Variants in MAP3K21 observed in about 807,000 individuals in gnomAD.
MAP3K21 encodes the protein mitogen-activated protein kinase kinase kinase 21, also known as mitogen-activated protein kinase kinase kinase MLK4.
MAP3K21 carries 63 observed loss-of-function variants against 86.1 expected under a neutral mutation model. That is an observed-to-expected ratio of 0.73 (90% CI 0.60 to 0.90). The LOEUF (loss-of-function observed/expected upper bound fraction) is 0.90, where lower values mean the gene tolerates loss of function less well. MAP3K21 is among the 40% of genes least tolerant of loss of function. The pLI is 0.00. For missense variants in MAP3K21, 1,220 were observed against 1,367.7 expected (o/e 0.89, Z 1.70); for synonymous variants, 558 against 564.8 (o/e 0.99, Z 0.17).
rs935700844 is a variant in MAP3K21 at position 233,328,352 on chromosome 1, G to T, written c.324G>T (p.Pro108=). 6 of 1,467,466 alleles carry T rather than the reference G, an allele frequency of 4.1e-6. No homozygotes were observed. In the African/African-American group the frequency reaches 5.9e-5, roughly 14 times the overall value. 90.9% of individuals were successfully genotyped at this position (1,467,466 alleles called of 1,614,324 possible). A position where few individuals can be genotyped will look rare whatever the true frequency, so the allele number is the denominator to read the frequency against. ...GCCGCCCGGCCGCCAGCCCCGCGCC[G>T]CCGCCCTCGCGGCCCAGCTCCCCGG... ...APCRPAASPA[P]PPSRPSSPVH... Residue 108 remains proline, a synonymous_variant, in exon 1 of 10, where the codon CCG becomes CCT. Transcript: ENST00000366624. The surrounding 1 kb of genome is among the most constrained non-coding windows in gnomAD (Gnocchi z 8.7).
intron 1 of MAP3K21, among the ~76,000 whole-genome samples, chr1:233,335,423 T>A (rs1662893214): frequency 6.6e-6 from 1 of 152,172 alleles, no homozygotes; most frequent in African/African-American, 2.4e-5. Context: ...GATGAGTTTT[T>A]AACATTTATT....
intron 5 of MAP3K21, among the ~76,000 whole-genome samples, chr1:233,363,446 G>A (rs1041930209): frequency 5.9e-5 from 9 of 152,040 alleles, no homozygotes; most frequent in South Asian, 4.2e-4. Context: ...GCCTGTAATC[G>A]CGGCACTTTG....
intron 1 of MAP3K21, among the ~76,000 whole-genome samples, chr1:233,335,693 C>G (rs1662898881): frequency 6.6e-6 from 1 of 152,136 alleles, no homozygotes; most frequent in Non-Finnish European, 1.5e-5. Flanking sequence ...TATTTGCTTT[C>G]AGGACTCCCA....
At chr1:233,336,723 A>G (rs1362956916) in intron 1 of MAP3K21, among the ~76,000 whole-genome samples, 6 of 152,326 alleles carry the variant, frequency 3.9e-5, no homozygotes, top group African/African-American at 1.4e-4. Flanking sequence ...TGAGGAAACA[A>G]TAATTTTTCT....
chr1:233,362,520 G>T (rs1369104616), intron 5 of MAP3K21, among the ~76,000 whole-genome samples: 2 of 152,152 alleles, frequency 1.3e-5, no homozygotes, highest in African/African-American at 2.4e-5. Context: ...AGCACACGAG[G>T]ATCTAACCCT....
At chr1:233,329,106 G>A (rs987047143) in intron 1 of MAP3K21, among the ~76,000 whole-genome samples, 3 of 152,140 alleles carry the variant, frequency 2.0e-5, no homozygotes, top group Non-Finnish European at 2.9e-5. Context: ...AAAATACCTG[G>A]ATCTCCTAGA....
Position 233,328,027 on chromosome 1 carries a change from C to G in MAP3K21, c.-2C>G. ...CTCCGCCTTCCCCGCGCAGCTGCCC[C>G]CATGGCTTTGCGGGGCGCCGCGGGA... On this transcript the variant is annotated 5_prime_UTR_variant, in exon 1 of 10. Transcript: ENST00000366624. The surrounding 1 kb of genome is among the most constrained non-coding windows in gnomAD (Gnocchi z 8.7). 1 of 1,302,768 alleles carries G rather than the reference C, an allele frequency of 7.7e-7. No homozygotes were observed. Among genetic ancestry groups the G allele is most frequent in the East Asian group, 3.2e-5 (1 of 31,304 alleles). The allele number at this position is 1,302,768 out of a possible 1,614,324, so 80.7% of individuals were successfully genotyped here.
At chr1:233,355,713 A>G (rs895016287) in intron 4 of MAP3K21, among the ~76,000 whole-genome samples, 5 of 152,080 alleles carry the variant, frequency 3.3e-5, no homozygotes. Flanking sequence ...CTGTTCTCCC[A>G]GGTACCCAGT....
chr1:233,352,032 G>T (rs998467230), intron 2 of MAP3K21, among the ~76,000 whole-genome samples: 5 of 152,086 alleles, frequency 3.3e-5, no homozygotes, highest in Non-Finnish European at 7.4e-5. Context: ...GGGACTATAA[G>T]CACCTGCCAC....
intron 1 of MAP3K21, among the ~76,000 whole-genome samples, chr1:233,345,318 A>G (rs935139093): frequency 1.3e-5 from 2 of 152,222 alleles, no homozygotes; most frequent in African/African-American, 4.8e-5. Context: ...GATAGCAACA[A>G]CTTGGAACCA....
rs1419520828 is a variant in MAP3K21 at position 233,379,478 on chromosome 1, T to C, written c.2472T>C (p.Ser824=). Reference sequence around the variant, plus strand: ...ACAGTGAAGATCCACTGGTGGACAGTGCACCTGTCACTTGTGACTCTGAGA... The same window carrying C: ...ACAGTGAAGATCCACTGGTGGACAGCGCACCTGTCACTTGTGACTCTGAGA... The part of the protein sequence containing the change: ...QMDSEDPLVD[S]APVTCDSEML... Residue 824 remains serine (S), a synonymous_variant, in exon 9 of 10, where the codon AGT becomes AGC. Transcript: ENST00000366624. 11 of 1,614,206 alleles carry C rather than the reference T, an allele frequency of 6.8e-6. No homozygotes were observed. Among genetic ancestry groups the C allele is most frequent in the Non-Finnish European group, 9.3e-6 (11 of 1,180,030 alleles).
chr1:233,368,417 G>T (rs1298032647), intron 5 of MAP3K21, among the ~76,000 whole-genome samples: 1 of 152,138 alleles, frequency 6.6e-6, no homozygotes, highest in Admixed American at 6.5e-5. Flanking sequence ...ACTTTCAGAG[G>T]CCAAGGCAGG....
rs1159520178 is a variant in MAP3K21, at chr1:233,329,270, C to A, written c.805+437C>A. 2.6e-5 allele frequency among the ~76,000 whole-genome samples: 4 copies of A among 152,190 alleles called. No homozygotes were observed. In the East Asian group the frequency reaches 7.7e-4, roughly 29 times the overall value. On this transcript the variant is annotated intron_variant, in intron 1 of 9. Transcript: ENST00000366624. ...CCCCGAATGCACTCGGGGACGTCAA[C>A]TTTACAAGTGCTGTATTGAGGTTGC...
intron 2 of MAP3K21, among the ~76,000 whole-genome samples, chr1:233,349,942 G>GA (rs756071594): frequency 0.012 from 1,624 of 138,254 alleles, 8 homozygotes; most frequent in Middle Eastern, 0.029. Flanking sequence ...TCTCAAAAAA[G>GA]AAAAAAAAAA....
At chr1:233,343,116 A>G (rs907396785) in intron 1 of MAP3K21, among the ~76,000 whole-genome samples, 2 of 152,126 alleles carry the variant, frequency 1.3e-5, no homozygotes, top group African/African-American at 4.8e-5. Context: ...GTTCCCTCCA[A>G]TTGCATTAGC....
intron 1 of MAP3K21, among the ~76,000 whole-genome samples, chr1:233,333,792 T>G (rs1444647837): frequency 6.6e-6 from 1 of 152,198 alleles, no homozygotes; most frequent in Non-Finnish European, 1.5e-5. Flanking sequence ...AGCCCTGCTT[T>G]TTCACACTAG....
Position 233,327,967 on chromosome 1 carries a change from C to T in MAP3K21, c.-62C>T, listed in dbSNP as rs1407680521. 1.6e-6 allele frequency: 2 copies of T among 1,224,012 alleles called. No homozygotes were observed. The highest frequency in any genetic ancestry group is 4.3e-5 in the Admixed American group (1 of 23,062). 75.8% of individuals were successfully genotyped at this position (1,224,012 alleles called of 1,614,324 possible). ...GGCCACACCGCCGGACGATGCGCGC[C>T]CGCGGCCGCCCGGGAGGCTGAGCCC... On this transcript the variant is annotated 5_prime_UTR_variant, in exon 1 of 10. Transcript: ENST00000366624.
intron 8 of MAP3K21, among the ~76,000 whole-genome samples, chr1:233,378,163 T>C (rs1663834459): frequency 1.3e-5 from 2 of 152,220 alleles, no homozygotes; most frequent in African/African-American, 2.4e-5. Flanking sequence ...GGATGTAGTG[T>C]TGGAAAAAAT....
chr1:233,353,296 G>C (rs1425112678), intron 2 of MAP3K21, among the ~76,000 whole-genome samples: 1 of 152,140 alleles, frequency 6.6e-6, no homozygotes, highest in East Asian at 1.9e-4. Context: ...TAAATATAGA[G>C]AGGCAGGAAG....
Sources: gnomAD v4.1 joint callset for allele counts (sites outside exome capture counted in the v4.1 genomes callset) on GRCh38, gnomAD v4.1.1 for gene constraint, Gnocchi (gnomAD v3.1) non-coding constraint, MANE v1.5 for transcripts, NCBI Gene and HGNC (gene_info 2026-07-23, HGNC 2026-07-21) for gene names.